TNRC6C: variants seen among roughly 807,000 people sequenced by gnomAD.
TNRC6C encodes trinucleotide repeat containing adaptor 6C.
A neutral mutation model predicts 153.7 loss-of-function variants in TNRC6C; 20 were observed. The observed-to-expected ratio is 0.13, with a 90% CI of 0.09 to 0.19. The LOEUF (loss-of-function observed/expected upper bound fraction) is 0.19, where lower values mean the gene tolerates loss of function less well. TNRC6C is among the 10% of genes least tolerant of loss of function. The pLI is 1.00. For synonymous variants in TNRC6C, 811 were observed against 841.4 expected (o/e 0.96, Z 0.63); for missense variants, 1,987 against 2,172.0 (o/e 0.91, Z 1.69).
Position 78,096,214 on chromosome 17 carries a change from G to A in TNRC6C, c.4307-2129G>A, listed in dbSNP as rs368980267. 7.2e-5 allele frequency among the ~76,000 whole-genome samples: 11 copies of A among 151,970 alleles called. No individual in the cohort carries two copies. In the East Asian group the frequency reaches 9.7e-4, roughly 13 times the overall value. On this transcript the variant is annotated intron_variant, in intron 16 of 19. Transcript: ENST00000301624. Reference sequence around the variant, plus strand: ...CACTTACAAACGGGAGCCCAACACCGAGTTCACACAACACAAAGAAGGGAG... The same window carrying A: ...CACTTACAAACGGGAGCCCAACACCAAGTTCACACAACACAAAGAAGGGAG...
intron 3 of TNRC6C, among the ~76,000 whole-genome samples, chr17:78,060,421 G>A (rs1161949741): frequency 6.7e-6 from 1 of 150,202 alleles, no homozygotes; most frequent in Non-Finnish European, 1.5e-5. Flanking sequence ...CAAGCACATA[G>A]CAAGCACTCA....
intron 1 of TNRC6C, among the ~76,000 whole-genome samples, chr17:77,999,048 G>A (rs2071371445): frequency 6.6e-6 from 1 of 152,146 alleles, no homozygotes; most frequent in African/African-American, 2.4e-5. Flanking sequence ...GGGGCAGGGG[G>A]GTGTTGACAT....
chr17:78,018,497 A>G (rs1189301843), intron 1 of TNRC6C, among the ~76,000 whole-genome samples: 1 of 151,920 alleles, frequency 6.6e-6, no homozygotes, highest in Non-Finnish European at 1.5e-5. Flanking sequence ...CCCATTAAAT[A>G]TTTTCTAAAT....
At chr17:78,010,570 T>C (rs1183251988) in intron 1 of TNRC6C, among the ~76,000 whole-genome samples, 1 of 152,204 alleles carries the variant, frequency 6.6e-6, no homozygotes, top group Non-Finnish European at 1.5e-5. Flanking sequence ...GTATTTGTTG[T>C]CAGTATAATT....
intron 8 of TNRC6C, among the ~76,000 whole-genome samples, chr17:78,076,506 T>G (rs2073088398): frequency 6.6e-6 from 1 of 152,166 alleles, no homozygotes; most frequent in Admixed American, 6.5e-5. Context: ...GAAATCATAC[T>G]GTTTAAACTG....
intron 1 of TNRC6C, among the ~76,000 whole-genome samples, chr17:77,972,249 A>C (rs2070945557): frequency 6.6e-6 from 1 of 152,144 alleles, no homozygotes; most frequent in African/African-American, 2.4e-5. Context: ...GCGGTGGCAC[A>C]CTCCTGAAAT....
At chr17:77,972,696 GA>G (rs1384529486) in intron 1 of TNRC6C, among the ~76,000 whole-genome samples, 1 of 152,118 alleles carries the variant, frequency 6.6e-6, no homozygotes, top group Non-Finnish European at 1.5e-5. Context: ...CATATAGCAA[GA>G]AATTGGATTA....
rs927397047 is a variant in TNRC6C at position 78,100,771 on chromosome 17, T to C, written c.4502-1703T>C. Among the ~76,000 whole-genome samples, 8 of 33,086 alleles carry C rather than the reference T, an allele frequency of 2.4e-4. No homozygotes were observed. The East Asian group carries it at 4.0e-3, about 16-fold the overall frequency. The allele number at this position is 33,086 out of a possible 152,430, so 21.7% of individuals were successfully genotyped here. On this transcript the variant is annotated intron_variant, in intron 17 of 19. Transcript: ENST00000301624. ...TTTTTCCTCAGAAAATGGGATTTCCTTTTTTTTTTTTTTTTTTTTTTGAGA... is the reference window on the plus strand; with the variant it reads ...TTTTTCCTCAGAAAATGGGATTTCCCTTTTTTTTTTTTTTTTTTTTTGAGA...
chr17:78,054,974 GTACGCTACCA>G (rs1197478674), intron 3 of TNRC6C, among the ~76,000 whole-genome samples: 1 of 152,082 alleles, frequency 6.6e-6, no homozygotes, highest in African/African-American at 2.4e-5. Flanking sequence ...GCGGACTACT[GTACGCTACCA>G]TACACCACTG....
At chr17:78,006,514 TTCTTCTTCTTCTTCTTCTTCTTC>T (rs2071504857) in intron 1 of TNRC6C, among the ~76,000 whole-genome samples, 1 of 128,234 alleles carries the variant, frequency 7.8e-6, no homozygotes, top group Non-Finnish European at 1.6e-5. Flanking sequence ...CTTCTTCTTC[TTCTTCTTCTTCTTCTTCTTCTTC>T]TTCTTCTTCT....
At chr17:78,096,654 A>T (rs1232368508) in intron 16 of TNRC6C, among the ~76,000 whole-genome samples, 4 of 152,186 alleles carry the variant, frequency 2.6e-5, no homozygotes, top group Non-Finnish European at 5.9e-5. Context: ...GATTCTGTTT[A>T]TGGTCATCAG....
At chr17:78,089,604 C>T (rs564585187) in intron 13 of TNRC6C, among the ~76,000 whole-genome samples, 1 of 152,176 alleles carries the variant, frequency 6.6e-6, no homozygotes, top group East Asian at 1.9e-4. Flanking sequence ...CGTTGTTATT[C>T]TCAGTCTTTT....
chr17:77,990,904 C>A (rs1235273142), intron 1 of TNRC6C, among the ~76,000 whole-genome samples: 1 of 152,106 alleles, frequency 6.6e-6, no homozygotes, highest in African/African-American at 2.4e-5. Flanking sequence ...TTCTAAGAAG[C>A]ACATTTTTCC....
chr17:78,031,972 T>C lies in TNRC6C; in HGVS notation c.-219+130T>C, dbSNP rs77853426. On this transcript the variant is annotated intron_variant, in intron 2 of 19. Transcript: ENST00000301624. ...ACATACACAGAGACAGACAAATTCA[T>C]TTCATTTTAAGTGGGTTTTAAAATT... 3,681 of 786,832 alleles carry C rather than the reference T, an allele frequency of 4.7e-3. 112 individuals carry two copies. In the African/African-American group the frequency reaches 0.059, roughly 13 times the overall value. 48.7% of individuals were successfully genotyped at this position (786,832 alleles called of 1,614,324 possible).
chr17:78,066,250 G>T (rs1286684608), intron 4 of TNRC6C: 1 of 150,746 alleles, frequency 6.6e-6, no homozygotes, highest in African/African-American at 2.4e-5. Flanking sequence ...AAAATTCGTT[G>T]TTCACATAAC....
rs925587292 is a variant in TNRC6C at position 78,067,739 on chromosome 17, T to C, written c.2612-18T>C. 1.3e-6 allele frequency: 2 copies of C among 1,596,408 alleles called. No individual in the cohort carries two copies. Among genetic ancestry groups the C allele is most frequent in the Admixed American group, 1.8e-5 (1 of 56,026 alleles). On this transcript the variant is annotated intron_variant, in intron 4 of 19. Coordinates refer to ENST00000301624, the Ensembl canonical transcript of TNRC6C. Reference sequence around the variant, plus strand: ...TAGGGACATGAATTTGATAAGTTCATGTTTGCTCTGTTTCTAGCTTCAAAA... The same window carrying C: ...TAGGGACATGAATTTGATAAGTTCACGTTTGCTCTGTTTCTAGCTTCAAAA...
At chr17:78,081,676 GC>G (rs1320205523) in intron 10 of TNRC6C, among the ~76,000 whole-genome samples, 1 of 152,146 alleles carries the variant, frequency 6.6e-6, no homozygotes, top group Non-Finnish European at 1.5e-5. Flanking sequence ...TGTGCCGGTG[GC>G]CTTGAAATTG....
At chr17:78,029,057 A>G (rs1209148307) in intron 1 of TNRC6C, among the ~76,000 whole-genome samples, 1 of 152,218 alleles carries the variant, frequency 6.6e-6, no homozygotes, top group South Asian at 2.1e-4. Context: ...TTAAATTACT[A>G]TGAGATCTTT....
At chr17:78,036,670 T>C (rs1386259878) in intron 2 of TNRC6C, among the ~76,000 whole-genome samples, 3 of 152,136 alleles carry the variant, frequency 2.0e-5, no homozygotes, top group African/African-American at 4.8e-5. Flanking sequence ...ACACCTGTAA[T>C]CCCAGCAGTT....
Sources: gnomAD v4.1 joint callset for allele counts (sites outside exome capture counted in the v4.1 genomes callset) on GRCh38, gnomAD v4.1.1 for gene constraint, MANE v1.5 for transcripts, NCBI Gene and HGNC (gene_info 2026-07-23, HGNC 2026-07-21) for gene names.